Variants in CAMKK1 observed in about 807,000 individuals in gnomAD.
The protein encoded by CAMKK1 is calcium/calmodulin-dependent protein kinase kinase 1.
A neutral mutation model predicts 63.5 loss-of-function variants in CAMKK1; 20 were observed. The ratio of observed to expected loss-of-function variants is 0.32; its 90% confidence interval spans 0.22 to 0.46. CAMKK1 has a LOEUF of 0.46. CAMKK1 is among the 20% of genes least tolerant of loss of function. The pLI is 1.00. For synonymous variants in CAMKK1, 253 were observed against 269.0 expected (o/e 0.94, Z 0.58); for missense variants, 588 against 658.1 (o/e 0.89, Z 1.17).
At chr17:3,880,468 T>C (rs998993189) in intron 8 of CAMKK1, 34 bp from the exon 9 acceptor site, 3 of 1,573,718 alleles carry the variant, frequency 1.9e-6, no homozygotes, top group Non-Finnish European at 8.7e-7. Context: ...GGCATTCAGC[T>C]GAAATCAGGG....
chr17:3,888,308 G>T (rs2055745375), intron 1 of CAMKK1, among the ~76,000 whole-genome samples: 2 of 152,234 alleles, frequency 1.3e-5, no homozygotes, highest in Admixed American at 1.3e-4. Flanking sequence ...TCTTAGATAG[G>T]TAGAGGGAGG....
intron 12 of CAMKK1, among the ~76,000 whole-genome samples, chr17:3,870,521 G>A (rs555031667): frequency 6.6e-5 from 10 of 152,034 alleles, no homozygotes; most frequent in East Asian, 3.9e-4. Flanking sequence ...GCCCGCCACC[G>A]TGCCCGGCTA....
chr17:3,883,246 T>G lies in CAMKK1; in HGVS notation c.515-71A>C. ...CCTCACCGTGGCCCCCAAACCAGTC[T>G]CAAGCAAGAGTCTTGCATGCCCGTG... On this transcript the variant is annotated intron_variant, in intron 5 of 15. Coordinates refer to ENST00000348335, the MANE Select transcript of CAMKK1 (RefSeq NM_032294.3). The surrounding 1 kb of genome is among the most constrained non-coding windows in gnomAD (Gnocchi z 4.7). 2 of 1,591,244 alleles carry G rather than the reference T, an allele frequency of 1.3e-6. No individual in the cohort carries two copies. The highest frequency in any genetic ancestry group is 1.7e-6 in the Non-Finnish European group (2 of 1,167,724).
At chr17:3,874,379 C>A (rs921603984) in intron 10 of CAMKK1, among the ~76,000 whole-genome samples, 1 of 149,594 alleles carries the variant, frequency 6.7e-6, no homozygotes, top group Non-Finnish European at 1.5e-5. Flanking sequence ...TTATGTATGT[C>A]TTTTTTTTTT....
At chr17:3,891,858 C>T (rs2055915101) in intron 1 of CAMKK1, among the ~76,000 whole-genome samples, 1 of 152,062 alleles carries the variant, frequency 6.6e-6, no homozygotes, top group African/African-American at 2.4e-5. Context: ...CAGGAGGCCC[C>T]CAAAGCCAGG....
In CAMKK1 at chr17:3,880,434, C is replaced by A; in HGVS notation, c.708G>T (p.Gly236=). 6.2e-7 allele frequency: 1 copy of A among 1,613,030 alleles called. No homozygotes were observed. ...TGTCACAGGGCACTTCCATGACGGG[C>A]CTATGGAGAAGGATGCGGGGAGGGG... ...LYLVFDLLRK[G]PVMEVPCDKP... is the part of the protein sequence containing the mutation. The change falls in exon 9 of 16, where the codon GGG becomes GGT. Residue 236 remains glycine (G), a splice_region_variant and synonymous_variant. Transcript: ENST00000348335.
At chr17:3,874,753 C>T (rs1249294471) in intron 10 of CAMKK1, among the ~76,000 whole-genome samples, 2 of 151,976 alleles carry the variant, frequency 1.3e-5, no homozygotes, top group African/African-American at 4.8e-5. Flanking sequence ...AGGTGATCCA[C>T]CTACCTTGGC....
intron 14 of CAMKK1, 147 bp downstream of exon 14, chr17:3,869,340 C>T: frequency 9.4e-7 from 1 of 1,066,828 alleles, no homozygotes; most frequent in Admixed American, 2.6e-5. Flanking sequence ...TCTCCATGGG[C>T]CTCCAGCAGA....
At chr17:3,872,745 A>G in intron 11 of CAMKK1, 118 bp from the exon 12 acceptor site, 1 of 746,988 alleles carries the variant, frequency 1.3e-6, no homozygotes, top group Non-Finnish European at 2.4e-6. Flanking sequence ...CTCCCATTAC[A>G]TGAGAAGGAC....
rs1567612580 is a variant in CAMKK1 at position 3,867,981 on chromosome 17, A to ACGCAGGCC, written c.1341+1505_1341+1506insGGCCTGCG. On this transcript the variant is annotated intron_variant, in intron 14 of 15. Coordinates refer to ENST00000348335, the MANE Select transcript of CAMKK1 (RefSeq NM_032294.3). Reference sequence around the variant, plus strand: ...AATGGATACGCAGGATCTGGGGGAGATGCAGGCACCGTCTAACTGATACGC... The same window carrying ACGCAGGCC: ...AATGGATACGCAGGATCTGGGGGAGACGCAGGCCTGCAGGCACCGTCTAACTGATACGC... Among the ~76,000 whole-genome samples, 15 of 119,732 alleles carry ACGCAGGCC rather than the reference A, an allele frequency of 1.3e-4. 2 individuals are homozygous for ACGCAGGCC. Among genetic ancestry groups the ACGCAGGCC allele is most frequent in the African/African-American group, 2.9e-4 (8 of 27,260 alleles). 78.5% of individuals were successfully genotyped at this position (119,732 alleles called of 152,430 possible).
At position 3,892,709 on chromosome 17, in the gene CAMKK1, C is replaced by A. The variant is rs2055948367; in HGVS notation, c.-44+230G>T. Among the ~76,000 whole-genome samples, 1 of 152,174 alleles carries A rather than the reference C, an allele frequency of 6.6e-6. No individual in the cohort carries two copies. The highest frequency in any genetic ancestry group is 1.5e-5 in the Non-Finnish European group (1 of 68,014). Reference sequence around the variant, plus strand: ...AAGAACGCAGACGGCGGGGCACCCGCGGCGATGCGGTCCCGGCGGCCGGCG... The same window carrying A: ...AAGAACGCAGACGGCGGGGCACCCGAGGCGATGCGGTCCCGGCGGCCGGCG... On this transcript the variant is annotated intron_variant, in intron 1 of 15. Coordinates refer to ENST00000348335, the MANE Select transcript of CAMKK1 (RefSeq NM_032294.3). The surrounding 1 kb of genome is among the most constrained non-coding windows in gnomAD (Gnocchi z 7.5).
intron 9 of CAMKK1, among the ~76,000 whole-genome samples, chr17:3,877,052 C>T (rs1354882662): frequency 6.6e-6 from 1 of 152,162 alleles, no homozygotes; most frequent in Non-Finnish European, 1.5e-5. Flanking sequence ...GCCACCGCCC[C>T]CAGCTGGGAG....
At position 3,869,714 on chromosome 17, in the gene CAMKK1, T is replaced by C. The variant is rs2143807177; in HGVS notation, c.1212+87A>G. The C allele has an allele frequency of 5.0e-6, 8 of 1,593,012 alleles. No individual in the cohort carries two copies. The South Asian group carries it at 8.8e-5, about 18-fold the overall frequency. On this transcript the variant is annotated intron_variant, in intron 13 of 15. Transcript: ENST00000348335. ...TCCACAGACTCAAACCCAACACACA[T>C]GCATCCTGGTGTTGATCCCTCCAGA...
intron 1 of CAMKK1, among the ~76,000 whole-genome samples, chr17:3,888,811 G>A (rs1434439745): frequency 6.6e-6 from 1 of 152,158 alleles, no homozygotes; most frequent in Non-Finnish European, 1.5e-5. Flanking sequence ...GGTTCCTGCC[G>A]CGTGTCCGGG....
Position 3,869,820 on chromosome 17 carries a change from A to C in CAMKK1, c.1193T>G (p.Ile398Ser). Reference protein sequence around the residue: ...KMLDKNPETRIGVPDIKLHPW... With the variant: ...KMLDKNPETRSGVPDIKLHPW... ...CCCGACCTTGATGTCTGGCACCCCA[A>C]TTCTCGTCTCGGGATTCTTGTCTAA... The change falls in exon 13 of 16, where the codon ATT becomes AGT. Residue 398 changes from isoleucine to serine, a missense_variant. Physicochemically the swap from Ile to Ser is moderately radical, Grantham distance 142. Around this residue, in one of 3 missense-constraint regions of CAMKK1, gnomAD observed 226 missense variants for 229.2 expected, o/e 0.99. Transcript: ENST00000348335. 6.2e-7 allele frequency: 1 copy of C among 1,614,114 alleles called. No individual in the cohort carries two copies. Among genetic ancestry groups the C allele is most frequent in the South Asian group, 1.1e-5 (1 of 91,082 alleles).
At chr17:3,873,219 G>A (rs992951025) in intron 11 of CAMKK1, among the ~76,000 whole-genome samples, 190 bp downstream of exon 11, 6 of 152,198 alleles carry the variant, frequency 3.9e-5, no homozygotes, top group South Asian at 2.1e-4. Context: ...GCTGTCCTGC[G>A]ACTCCTTCGC....
rs748025830 is a variant in CAMKK1 at position 3,869,540 on chromosome 17, T to A, written c.1288A>T (p.Thr430Ser). 2 of 1,614,174 alleles carry A rather than the reference T, an allele frequency of 1.2e-6. No individual in the cohort carries two copies. Among genetic ancestry groups the A allele is most frequent in the Non-Finnish European group, 1.7e-6 (2 of 1,180,024 alleles). The change falls in exon 14 of 16, where the codon ACA (threonine) becomes TCA (serine). Residue 430 changes from threonine (T) to serine (S), a missense_variant. By Grantham distance (58) the Thr-to-Ser change is moderately conservative (BLOSUM62 1). Around this residue, in one of 3 missense-constraint regions of CAMKK1, gnomAD observed 226 missense variants for 229.2 expected, o/e 0.99. Coordinates refer to ENST00000348335, the MANE Select transcript of CAMKK1 (RefSeq NM_032294.3). ...EEEHCSVVEV[T>S]EEEVKNSVRL... ...ACTGAGTTCTTAACCTCCTCCTCTGTCACCTCCACCACGCTGCAGTGCTCC... is the reference window on the plus strand; with the variant it reads ...ACTGAGTTCTTAACCTCCTCCTCTGACACCTCCACCACGCTGCAGTGCTCC...
chr17:3,869,447 G>T, intron 14 of CAMKK1, 40 bp downstream of exon 14: 1 of 1,612,646 alleles, frequency 6.2e-7, no homozygotes, highest in South Asian at 1.1e-5. Context: ...GGTCCCCCAG[G>T]CCCTCCAGGA....
intron 12 of CAMKK1, among the ~76,000 whole-genome samples, chr17:3,871,346 T>TTGAGACA (rs2054848515): frequency 4.5e-5 from 2 of 44,472 alleles, no homozygotes; most frequent in African/African-American, 1.3e-4. Context: ...TTTTTTTTTT[T>TTGAGACA]GTTTTTTTTT....
Sources: allele counts gnomAD v4.1 joint callset (sites outside exome capture counted in the v4.1 genomes callset), GRCh38; gene constraint gnomAD v4.1.1; regional missense constraint gnomAD v4.1.1; non-coding constraint Gnocchi (gnomAD v3.1); transcripts MANE v1.5; gene names NCBI Gene and HGNC (gene_info 2026-07-23, HGNC 2026-07-21).